Variants in PCSK1 observed in about 807,000 individuals in gnomAD.
PCSK1 encodes proprotein convertase subtilisin/kexin type 1.
In PCSK1, 56 loss-of-function variants were observed where a neutral mutation model predicts 90.6. The ratio of observed to expected loss-of-function variants is 0.62; its 90% CI spans 0.50 to 0.77. The LOEUF (loss-of-function observed/expected upper bound fraction) is 0.77, where lower values mean the gene tolerates loss of function less well. Ranked by LOEUF, PCSK1 falls within the 30% of genes least tolerant of loss-of-function variation. The pLI is 0.00. For synonymous variants in PCSK1, 348 were observed against 342.4 expected (o/e 1.02, Z -0.18); for missense variants, 801 against 932.6 (o/e 0.86, Z 1.84).
At chr5:96,410,697 G>T (rs1206998955) in intron 8 of PCSK1, 77 bp downstream of exon 8, 4 of 1,158,682 alleles carry the variant, frequency 3.5e-6, no homozygotes, top group Admixed American at 1.7e-5. Flanking sequence ...CGTACCAAAG[G>T]TCAGTTAGGG....
chr5:96,410,269 G>A (rs964421909), intron 8 of PCSK1, among the ~76,000 whole-genome samples: 1 of 152,090 alleles, frequency 6.6e-6, no homozygotes, highest in Non-Finnish European at 1.5e-5. Flanking sequence ...CAGATGCTGA[G>A]CAGTTCACCT....
At chr5:96,411,118 A>G (rs999571175) in intron 7 of PCSK1, 132 bp from the exon 8 acceptor site, 2 of 762,618 alleles carry the variant, frequency 2.6e-6, no homozygotes, top group Non-Finnish European at 4.7e-6. Context: ...TTTCAATTCC[A>G]GATCTTTTGG....
chr5:96,403,186 T>G (rs768488672), intron 9 of PCSK1, among the ~76,000 whole-genome samples: 5 of 152,200 alleles, frequency 3.3e-5, no homozygotes, highest in Non-Finnish European at 5.9e-5. Flanking sequence ...GGTTATTTTG[T>G]TTTAAAAATT....
Position 96,399,998 on chromosome 5 carries a change from G to A in PCSK1, c.1385C>T (p.Pro462Leu). 6.2e-7 allele frequency: 1 copy of A among 1,614,184 alleles called. No individual in the cohort carries two copies. The highest frequency in any genetic ancestry group is 8.5e-7 in the Non-Finnish European group (1 of 1,180,026). Residue 462 changes from proline (P) to leucine (L), a missense_variant, in exon 10 of 14, where the codon CCT becomes CTT. Pro to Leu is a moderately conservative substitution (Grantham distance 98, BLOSUM62 -3). Transcript: ENST00000311106. ...CTTTACAACACACTCTTTCTTCTCA[G>A]GCACGCTCCTCCAGGTCCTGGGGTC... ...LADPRTWRSV[P>L]EKKECVVKDN...
intron 9 of PCSK1, among the ~76,000 whole-genome samples, chr5:96,404,691 T>C (rs1295049575): frequency 6.6e-6 from 1 of 152,202 alleles, no homozygotes; most frequent in Non-Finnish European, 1.5e-5. Flanking sequence ...CTCACAGGGC[T>C]GTGGGAGGCT....
chr5:96,404,473 A>C (rs1357466876), intron 9 of PCSK1, among the ~76,000 whole-genome samples: 1 of 152,230 alleles, frequency 6.6e-6, no homozygotes, highest in African/African-American at 2.4e-5. Flanking sequence ...GTGCATATTC[A>C]GCCAGAAACC....
chr5:96,402,827 G>A (rs1051416785), intron 9 of PCSK1, among the ~76,000 whole-genome samples: 5 of 152,126 alleles, frequency 3.3e-5, no homozygotes, highest in Admixed American at 2.0e-4. Context: ...GTGACTGACA[G>A]AGAGGCCTTG....
Position 96,395,519 on chromosome 5 carries a change from A to C in PCSK1, c.1723-494T>G, listed in dbSNP as rs190278647. 5.9e-5 allele frequency among the ~76,000 whole-genome samples: 9 copies of C among 152,336 alleles called. No individual in the cohort carries two copies. The East Asian group carries it at 1.7e-3, about 29-fold the overall frequency. ...GACATGGATAAAGCTGGAAACCATCATTCTCAGCAAACCAACACAGGAACA... is the reference window on the plus strand; with the variant it reads ...GACATGGATAAAGCTGGAAACCATCCTTCTCAGCAAACCAACACAGGAACA... On this transcript the variant is annotated intron_variant, in intron 12 of 13. Coordinates refer to ENST00000311106, the MANE Select transcript of PCSK1 (RefSeq NM_000439.5).
Position 96,393,192 on chromosome 5 carries a change from C to A in PCSK1, c.2071G>T (p.Ala691Ser). The change falls in exon 14 of 14, where the codon GCA becomes TCA. Residue 691 changes from alanine (A) to serine (S), a missense_variant. Physicochemically the swap from Ala to Ser is moderately conservative, Grantham distance 99. Transcript: ENST00000311106. Reference protein sequence around the residue: ...PKQSPKKSPSAKLNIPYENFY... With the variant: ...PKQSPKKSPSSKLNIPYENFY... ...TTTTCATAAGGGATGTTGAGCTTTG[C>A]ACTTGGGGACTTCTTTGGTGATTGC... 1 of 1,614,136 alleles carries A rather than the reference C, an allele frequency of 6.2e-7. No individual in the cohort carries two copies.
intron 12 of PCSK1, among the ~76,000 whole-genome samples, chr5:96,395,259 CTATG>C (rs2112390222): frequency 6.6e-6 from 1 of 152,298 alleles, no homozygotes; most frequent in East Asian, 1.9e-4. Context: ...TCAGAAATCT[CTATG>C]TAAGTCTTCT....
At chr5:96,414,074 G>C (rs1286575568) in intron 6 of PCSK1, among the ~76,000 whole-genome samples, 1 of 149,358 alleles carries the variant, frequency 6.7e-6, no homozygotes, top group Non-Finnish European at 1.5e-5. Flanking sequence ...GGGAGGCGGA[G>C]CTTGCAGTGA....
chr5:96,421,898 T>A lies in PCSK1; in HGVS notation c.602A>T (p.Asp201Val). 1.3e-6 allele frequency: 2 copies of A among 1,567,610 alleles called. No homozygotes were observed. Among genetic ancestry groups the A allele is most frequent in the Non-Finnish European group, 8.8e-7 (1 of 1,140,188 alleles). ...TACTCACTTGTTCTCGTTTGTGGGA[T>A]CATATCGGGGAAATGGATCATGGTC... ...DNDHDPFPRY[D>V]PTNENKHGTR... is the part of the protein sequence containing the mutation. The change falls in exon 5 of 14, where the codon GAT (aspartate) becomes GTT (valine). Residue 201 changes from aspartate (D) to valine (V), a missense_variant. By Grantham distance (152) the Asp-to-Val change is radical (BLOSUM62 -3). Transcript: ENST00000311106.
rs903029114 is a variant in PCSK1 at position 96,391,176 on chromosome 5, A to G, written c.*1825T>C. ...AGTGATTCCGCAAGTCTTTTAGGAG[A>G]ACATTCTCTAAGCATTACGGGCATT... On this transcript the variant is annotated 3_prime_UTR_variant, in exon 14 of 14. Coordinates refer to ENST00000311106, the MANE Select transcript of PCSK1 (RefSeq NM_000439.5). The G allele has an allele frequency of 1.3e-5, 2 of 152,226 alleles. No homozygotes were observed. Among genetic ancestry groups the G allele is most frequent in the African/African-American group, 2.4e-5 (1 of 41,464 alleles). 9.4% of individuals were successfully genotyped at this position (152,226 alleles called of 1,614,324 possible).
At chr5:96,417,823 A>G (rs1430580065) in intron 5 of PCSK1, among the ~76,000 whole-genome samples, 1 of 152,218 alleles carries the variant, frequency 6.6e-6, no homozygotes, top group East Asian at 1.9e-4. Flanking sequence ...ACAGAAGGCA[A>G]CTTATGCTTT....
At position 96,412,400 on chromosome 5, in the gene PCSK1, C is replaced by G; in HGVS notation, c.800G>C (p.Ser267Thr). ...NPGHVDIYSA[S>T]WGPNDDGKTV... is the part of the protein sequence containing the mutation. ...TTTCCCATCATCATTAGGGCCCCAG[C>G]TTGCACTGTAAATATCCACGTGTCC... Residue 267 changes from serine (S) to threonine (T), a missense_variant, in exon 7 of 14, where the codon AGC (serine) becomes ACC (threonine). Coordinates refer to ENST00000311106, the MANE Select transcript of PCSK1 (RefSeq NM_000439.5). 1 of 1,614,086 alleles carries G rather than the reference C, an allele frequency of 6.2e-7. No homozygotes were observed. The highest frequency in any genetic ancestry group is 8.5e-7 in the Non-Finnish European group (1 of 1,179,956).
At chr5:96,394,839 A>G in intron 13 of PCSK1, 25 bp downstream of exon 13, 1 of 1,612,048 alleles carries the variant, frequency 6.2e-7, no homozygotes, top group South Asian at 1.1e-5. Context: ...AAAAGAGAGC[A>G]TGCCAAGAAC....
At chr5:96,424,318 A>C (rs1310961498) in intron 3 of PCSK1, among the ~76,000 whole-genome samples, 2 of 152,188 alleles carry the variant, frequency 1.3e-5, no homozygotes, top group East Asian at 3.9e-4. Flanking sequence ...ATGAAGCTGA[A>C]TCACAGGAGG....
At chr5:96,423,734 T>C (rs1462121023) in intron 3 of PCSK1, among the ~76,000 whole-genome samples, 4 of 152,186 alleles carry the variant, frequency 2.6e-5, no homozygotes, top group African/African-American at 4.8e-5. Flanking sequence ...CTTTGAAGAA[T>C]TTTATCCCTA....
chr5:96,410,486 G>T (rs1003345726), intron 8 of PCSK1, among the ~76,000 whole-genome samples: 2 of 151,994 alleles, frequency 1.3e-5, no homozygotes, highest in African/African-American at 2.4e-5. Context: ...CAGACAAGCA[G>T]AAAAGACATT....
Sources: gnomAD v4.1 joint callset for allele counts (sites outside exome capture counted in the v4.1 genomes callset) on GRCh38, gnomAD v4.1.1 for gene constraint, MANE v1.5 for transcripts, NCBI Gene and HGNC (gene_info 2026-07-23, HGNC 2026-07-21) for gene names.